The following TRIM7 variants were observed in gnomAD, a reference collection of about 807,000 sequenced individuals.
The protein encoded by TRIM7 is E3 ubiquitin-protein ligase TRIM7.
TRIM7 carries 32 observed loss-of-function variants against 37.9 expected under a neutral mutation model. The observed-to-expected ratio is 0.84, with a 90% confidence interval of 0.64 to 1.13. The LOEUF (loss-of-function observed/expected upper bound fraction) is 1.13, where lower values mean the gene tolerates loss of function less well. Ranked by LOEUF, TRIM7 falls within the 50% of genes most tolerant of loss-of-function variation. TRIM7 has a pLI of 0.00. For missense variants in TRIM7, 732 were observed against 714.0 expected, an observed-to-expected ratio of 1.03 and a Z score of -0.29; for synonymous variants, 351 against 321.3, an observed-to-expected ratio of 1.09 and a Z score of -0.99.
At position 181,195,553 on chromosome 5, in the gene TRIM7, G is replaced by A. The variant is rs1403620469; in HGVS notation, c.1149C>T (p.Asn383=). The A allele has an allele frequency of 1.2e-6, 2 of 1,611,376 alleles. No individual in the cohort carries two copies. Among genetic ancestry groups the A allele is most frequent in the Non-Finnish European group, 1.7e-6 (2 of 1,178,428 alleles). ...AGCCGCAGGACGCCAGGACGCGGGT[G>A]TTGGTGTCGAAGCGGCAGGGGTGGT... The part of the protein sequence containing the change: ...LPNHPCRFDT[N]TRVLASCGFS... The change falls in exon 7 of 7, where the codon AAC becomes AAT. Residue 383 remains asparagine, a synonymous_variant. Transcript: ENST00000274773.
chr5:181,200,149 G>A (rs764254563), intron 2 of TRIM7, 68 bp from the exon 3 acceptor site: 1 of 1,613,478 alleles, frequency 6.2e-7, no homozygotes, highest in Admixed American at 1.7e-5. Flanking sequence ...AGTGGCCTGA[G>A]TCATCCCACA....
intron 2 of TRIM7, chr5:181,203,282 C>A: frequency 2.3e-6 from 3 of 1,303,578 alleles, no homozygotes; most frequent in Non-Finnish European, 2.9e-6. Flanking sequence ...ATCAGAGTGA[C>A]TGAGCGTCCT....
In TRIM7 at chr5:181,203,439, C is replaced by A. The variant is rs569385147; in HGVS notation, c.618+106G>T. 25 of 1,542,806 alleles carry A rather than the reference C, an allele frequency of 1.6e-5. No individual in the cohort carries two copies. In the Middle Eastern group the frequency reaches 5.3e-4, roughly 32 times the overall value. ...CTCTATTATCTTTCTGAAATCGATTCTGCGGTTCCATAGCACACACTCCAA... is the reference window on the plus strand; with the variant it reads ...CTCTATTATCTTTCTGAAATCGATTATGCGGTTCCATAGCACACACTCCAA... On this transcript the variant is annotated intron_variant, in intron 2 of 6. Coordinates refer to ENST00000274773, the MANE Select transcript of TRIM7 (RefSeq NM_203293.3).
At chr5:181,202,627 C>G (rs576348935) in intron 2 of TRIM7, 1 of 148,702 alleles carries the variant, frequency 6.7e-6, no homozygotes, top group Non-Finnish European at 1.5e-5. Flanking sequence ...AGTGCAGTGG[C>G]GCGATCTCGG....
intron 2 of TRIM7, among the ~76,000 whole-genome samples, chr5:181,201,647 G>T (rs1008375116): frequency 6.6e-6 from 1 of 152,212 alleles, no homozygotes; most frequent in Non-Finnish European, 1.5e-5. Context: ...CACACCTGTA[G>T]TCCCAGCTAC....
At position 181,194,450 on chromosome 5, in the gene TRIM7, T is replaced by C. The variant is rs1168013589; in HGVS notation, c.*716A>G. 6.7e-6 allele frequency: 1 copy of C among 149,088 alleles called. No homozygotes were observed. Among genetic ancestry groups the C allele is most frequent in the African/African-American group, 2.6e-5 (1 of 38,352 alleles). 9.2% of individuals were successfully genotyped at this position (149,088 alleles called of 1,614,324 possible). A position where few individuals can be genotyped will look rare whatever the true frequency, so the allele number is the denominator to read the frequency against. ...CCTTATCCAAGCAGCGTTTGTACTT[T>C]GGCACTGGAAAGTGCGGGAGTCAGG... On this transcript the variant is annotated 3_prime_UTR_variant, in exon 7 of 7. Transcript: ENST00000274773.
At chr5:181,203,767 T>G in intron 1 of TRIM7, 127 bp from the exon 2 acceptor site, 5 of 1,468,808 alleles carry the variant, frequency 3.4e-6, no homozygotes, top group Non-Finnish European at 4.5e-6. Context: ...CGGGTAGAAG[T>G]CATCTCTACA....
rs1757039730 is a variant in TRIM7, at chr5:181,195,433, C to T, written c.1269G>A (p.Leu423=). The part of the protein sequence containing the change: ...VARESVRRKG[L]TPFTPEEGVW... ...CGCCCTCCTCGGGAGTGAAGGGCGTCAGGCCCTTTCGGCGCACGCTCTCGC... is the reference window on the plus strand; with the variant it reads ...CGCCCTCCTCGGGAGTGAAGGGCGTTAGGCCCTTTCGGCGCACGCTCTCGC... The change falls in exon 7 of 7, where the codon CTG becomes CTA. Residue 423 remains leucine, a synonymous_variant. Coordinates refer to ENST00000274773, the MANE Select transcript of TRIM7 (RefSeq NM_203293.3). 1 of 1,606,448 alleles carries T rather than the reference C, an allele frequency of 6.2e-7. No individual in the cohort carries two copies. Among genetic ancestry groups the T allele is most frequent in the South Asian group, 1.1e-5 (1 of 90,342 alleles).
chr5:181,204,019 C>T, intron 1 of TRIM7: 3 of 1,020,774 alleles, frequency 2.9e-6, no homozygotes, highest in Non-Finnish European at 3.5e-6. Flanking sequence ...CCCCTGCACA[C>T]ACCCTCGCTG....
chr5:181,204,376 G>A, intron 1 of TRIM7: 1 of 1,219,004 alleles, frequency 8.2e-7, no homozygotes, highest in Non-Finnish European at 1.0e-6. Flanking sequence ...GAAACGCAGT[G>A]GGGGTGGGGT....
chr5:181,200,397 A>G (rs983423168), intron 2 of TRIM7: 1 of 1,367,360 alleles, frequency 7.3e-7, no homozygotes, highest in African/African-American at 1.5e-5. Flanking sequence ...CCTCACTTGA[A>G]AAGCAGAAGG....
chr5:181,205,146 G>A lies in TRIM7; in HGVS notation c.-36C>T. 1 of 1,283,074 alleles carries A rather than the reference G, an allele frequency of 7.8e-7. No homozygotes were observed. Among genetic ancestry groups the A allele is most frequent in the Non-Finnish European group, 9.9e-7 (1 of 1,014,928 alleles). 79.5% of individuals were successfully genotyped at this position (1,283,074 alleles called of 1,614,324 possible). A position where few individuals can be genotyped will look rare whatever the true frequency, so the allele number is the denominator to read the frequency against. On this transcript the variant is annotated 5_prime_UTR_variant, in exon 1 of 7. Coordinates refer to ENST00000274773, the MANE Select transcript of TRIM7 (RefSeq NM_203293.3). Reference sequence around the variant, plus strand: ...CGCGCACCCAGATCTGGTCGCGCCTGGGCGGCCACTGGACCTCACAGGACG... The same window carrying A: ...CGCGCACCCAGATCTGGTCGCGCCTAGGCGGCCACTGGACCTCACAGGACG...
At position 181,203,697 on chromosome 5, in the gene TRIM7, C is replaced by T. The variant is rs1305005049; in HGVS notation, c.523-57G>A. On this transcript the variant is annotated intron_variant, in intron 1 of 6. Transcript: ENST00000274773. ...GGTGAGGGGCTTCTGGAAACCCCCA[C>T]CTCTGCCTTCCTGGAGCCAGCCAGG... 5 of 1,547,330 alleles carry T rather than the reference C, an allele frequency of 3.2e-6. No homozygotes were observed. In the African/African-American group the frequency reaches 4.1e-5, roughly 13 times the overall value.
At chr5:181,203,679 G>T (rs1175662896) in intron 1 of TRIM7, 39 bp from the exon 2 acceptor site, 2 of 1,570,616 alleles carry the variant, frequency 1.3e-6, no homozygotes, top group East Asian at 2.2e-5. Context: ...GGGGGTGAGG[G>T]GCTTCTGGAA....
At chr5:181,203,077 C>A (rs542806256) in intron 2 of TRIM7, 1 of 201,244 alleles carries the variant, frequency 5.0e-6, no homozygotes, top group South Asian at 1.5e-4. Context: ...GCCCCTTCTC[C>A]GTTAGCCTCG....
At chr5:181,199,252 G>A (rs1354665109) in intron 3 of TRIM7, 135 bp from the exon 4 acceptor site, 3 of 995,040 alleles carry the variant, frequency 3.0e-6, no homozygotes, top group Non-Finnish European at 4.7e-6. Context: ...GCCTGCGTGG[G>A]CCTCAGGGGC....
In TRIM7 at chr5:181,204,874, C is replaced by A; in HGVS notation, c.237G>T (p.Pro79=). Residue 79 remains proline, a synonymous_variant, in exon 1 of 7, where the codon CCG becomes CCT. Coordinates refer to ENST00000274773, the MANE Select transcript of TRIM7 (RefSeq NM_203293.3). The part of the protein sequence containing the change: ...TRAPPFPLPC[P]QCREPARPSQ... The stretch of plus-strand genomic sequence containing the variant: ...TGGGGCGCGCGGGCTCGCGGCACTG[C>A]GGACAGGGCAGTGGGAAGGGGGGCG... The A allele has an allele frequency of 5.9e-6, 8 of 1,345,866 alleles. No individual in the cohort carries two copies. Among genetic ancestry groups the A allele is most frequent in the Non-Finnish European group, 7.6e-6 (8 of 1,058,398 alleles). 83.4% of individuals were successfully genotyped at this position (1,345,866 alleles called of 1,614,324 possible).
Position 181,195,275 on chromosome 5 carries a change from G to C in TRIM7, c.1427C>G (p.Ala476Gly). ...DLEVGAVSFY[A>G]VEDMRHLYTF... ...GTAGAGGTGGCGCATGTCCTCCACA[G>C]CGTAGAAGGACACGGCTCCCACCTC... is the stretch of plus-strand genomic sequence containing the variant. The change falls in exon 7 of 7, where the codon GCT becomes GGT. Residue 476 changes from alanine to glycine, a missense_variant. Ala to Gly is a moderately conservative substitution (Grantham distance 60). Transcript: ENST00000274773. The C allele has an allele frequency of 6.2e-7, 1 of 1,609,270 alleles. No homozygotes were observed. The highest frequency in any genetic ancestry group is 8.5e-7 in the Non-Finnish European group (1 of 1,178,024).
Position 181,198,325 on chromosome 5 carries a change from C to T in TRIM7, c.989-107G>A. The T allele has an allele frequency of 3.3e-6, 4 of 1,225,140 alleles. No homozygotes were observed. The South Asian group carries it at 5.1e-5, about 16-fold the overall frequency. The allele number at this position is 1,225,140 out of a possible 1,614,324, so 75.9% of individuals were successfully genotyped here. ...CTGACTCATTCATTCCCCAGAGACT[C>T]CTAAGGCCAAGAGTGAACGTGCAGG... On this transcript the variant is annotated intron_variant, in intron 5 of 6. Transcript: ENST00000274773.
Sources: allele counts gnomAD v4.1 joint callset (sites outside exome capture counted in the v4.1 genomes callset), GRCh38; gene constraint gnomAD v4.1.1; transcripts MANE v1.5; gene names NCBI Gene and HGNC (gene_info 2026-07-23, HGNC 2026-07-21).